Variants in HACE1 observed in about 807,000 individuals in gnomAD.
HACE1 encodes HECT domain and ankyrin repeat containing E3 ubiquitin protein ligase 1.
In HACE1, 73 loss-of-function variants were observed where a neutral mutation model predicts 118.4. That is an observed-to-expected ratio of 0.62 (90% confidence interval 0.51 to 0.75). The LOEUF (loss-of-function observed/expected upper bound fraction) is 0.75, where lower values mean the gene tolerates loss of function less well. HACE1 is among the 30% of genes least tolerant of loss of function. The pLI, the probability that HACE1 is intolerant of heterozygous loss-of-function variation, is 0.00. For synonymous variants in HACE1, 368 were observed against 374.8 expected, an observed-to-expected ratio of 0.98 and a Z score of 0.21; for missense variants, 749 against 1,102.2, an observed-to-expected ratio of 0.68 and a Z score of 4.54.
At chr6:104,801,898 A>T (rs930131143) in intron 7 of HACE1, among the ~76,000 whole-genome samples, 1 of 152,200 alleles carries the variant, frequency 6.6e-6, no homozygotes, top group Non-Finnish European at 1.5e-5. Flanking sequence ...CCCCAATTAA[A>T]AGACAGACTG....
intron 22 of HACE1, among the ~76,000 whole-genome samples, chr6:104,742,225 C>T (rs1223607143): frequency 7.4e-5 from 10 of 134,502 alleles, no homozygotes; most frequent in Non-Finnish European, 1.1e-4. Flanking sequence ...AAAACCTAGG[C>T]ATTACCATTC....
chr6:104,803,980 A>G (rs932825373), intron 7 of HACE1, among the ~76,000 whole-genome samples: 1 of 152,216 alleles, frequency 6.6e-6, no homozygotes, highest in Non-Finnish European at 1.5e-5. Context: ...GTCTCAGCCC[A>G]AAATCTCCTT....
At chr6:104,737,573 C>CA (rs1776039184) in intron 22 of HACE1, among the ~76,000 whole-genome samples, 2 of 152,154 alleles carry the variant, frequency 1.3e-5, no homozygotes, top group African/African-American at 4.8e-5. Context: ...TGACAGACGG[C>CA]ACCTAGAAAA....
At chr6:104,755,798 T>C (rs545805727) in intron 19 of HACE1, among the ~76,000 whole-genome samples, 1 of 152,308 alleles carries the variant, frequency 6.6e-6, no homozygotes. Context: ...GAGGGAAATT[T>C]ATAGCACTAA....
At chr6:104,807,982 T>C (rs1771200795) in intron 7 of HACE1, among the ~76,000 whole-genome samples, 2 of 151,810 alleles carry the variant, frequency 1.3e-5, no homozygotes, top group Non-Finnish European at 2.9e-5. Context: ...AGGTCGGGAG[T>C]TCGAGACCAG....
Position 104,744,235 on chromosome 6 carries a change from C to A in HACE1, c.2443-5G>T. On this transcript the variant is annotated splice_polypyrimidine_tract_variant and splice_region_variant and intron_variant, in intron 21 of 23. Coordinates refer to ENST00000262903, the MANE Select transcript of HACE1 (RefSeq NM_020771.4). ...TTCTACAACTTCCCAGAACCACTAA[C>A]AACAAGAACAAAAAACTTAGCTCAT... is the stretch of plus-strand genomic sequence containing the variant. 1 of 1,103,570 alleles carries A rather than the reference C, an allele frequency of 9.1e-7. No homozygotes were observed. Among genetic ancestry groups the A allele is most frequent in the Non-Finnish European group, 1.2e-6 (1 of 814,748 alleles). The allele number at this position is 1,103,570 out of a possible 1,614,324, so 68.4% of individuals were successfully genotyped here.
chr6:104,845,756 C>T (rs1184926994), intron 4 of HACE1: 1 of 152,164 alleles, frequency 6.6e-6, no homozygotes, highest in African/African-American at 2.4e-5. Flanking sequence ...GGATTACAGG[C>T]TTAAGCCACC....
intron 1 of HACE1, among the ~76,000 whole-genome samples, chr6:104,857,644 T>C (rs1291862413): frequency 6.7e-6 from 1 of 150,194 alleles, no homozygotes; most frequent in Non-Finnish European, 1.5e-5. Context: ...TTAAGCCTAT[T>C]GAAGAATACA....
intron 3 of HACE1, among the ~76,000 whole-genome samples, chr6:104,849,882 C>T (rs1776026284): frequency 6.6e-6 from 1 of 151,136 alleles, no homozygotes; most frequent in Non-Finnish European, 1.5e-5. Flanking sequence ...AATCTCCTGA[C>T]CTCAAGATCC....
At position 104,796,918 on chromosome 6, in the gene HACE1, G is replaced by A. The variant is rs369330231; in HGVS notation, c.714+11C>T. 1.2e-5 allele frequency: 17 copies of A among 1,458,176 alleles called. No homozygotes were observed. The African/African-American group carries it at 1.7e-4, about 14-fold the overall frequency. 90.3% of individuals were successfully genotyped at this position (1,458,176 alleles called of 1,614,324 possible). A position where few individuals can be genotyped will look rare whatever the true frequency, so the allele number is the denominator to read the frequency against. On this transcript the variant is annotated intron_variant, in intron 8 of 23. Transcript: ENST00000262903. ...AAGATAAGGGGCTCAGAATATAAAT[G>A]AAAAACACACCTGTACACATAAATC...
intron 23 of HACE1, 69 bp downstream of exon 23, chr6:104,730,234 T>C (rs1775056143): frequency 9.7e-6 from 8 of 827,880 alleles, no homozygotes; most frequent in Non-Finnish European, 1.5e-5. Flanking sequence ...CAGCAACAGT[T>C]AGATCTCTGA....
intron 19 of HACE1, among the ~76,000 whole-genome samples, chr6:104,759,113 C>A (rs1254068534): frequency 6.6e-6 from 1 of 152,154 alleles, no homozygotes; most frequent in East Asian, 1.9e-4. Context: ...GACTTTAACA[C>A]CTAACTGTCA....
intron 4 of HACE1, among the ~76,000 whole-genome samples, chr6:104,845,324 T>C (rs753022289): frequency 3.9e-5 from 6 of 152,066 alleles, no homozygotes; most frequent in Non-Finnish European, 8.8e-5. Flanking sequence ...TGTAAGTCAA[T>C]AGCTAAAATT....
chr6:104,853,774 G>A (rs1485979108), intron 1 of HACE1, among the ~76,000 whole-genome samples: 1 of 152,124 alleles, frequency 6.6e-6, no homozygotes, highest in Non-Finnish European at 1.5e-5. Context: ...ACTGAAAGGG[G>A]ACACATCACT....
intron 15 of HACE1, 26 bp downstream of exon 15, chr6:104,777,178 CAT>C (rs1301621844): frequency 6.5e-7 from 1 of 1,550,344 alleles, no homozygotes; most frequent in African/African-American, 1.4e-5. Context: ...GTGCTTCACA[CAT>C]ATATCAGTTT....
rs551208187 is a variant in HACE1, at chr6:104,750,909, T to C, written c.2212-437A>G. On this transcript the variant is annotated intron_variant, in intron 19 of 23. Transcript: ENST00000262903. ...ATGTGTATATACACATAGATATACA[T>C]GTGTGTGTATGTACATGTAAATAAC... Among the ~76,000 whole-genome samples the C allele has an allele frequency of 5.9e-5, 9 of 152,314 alleles. No homozygotes were observed. The East Asian group carries it at 1.7e-3, about 29-fold the overall frequency.
intron 14 of HACE1, among the ~76,000 whole-genome samples, chr6:104,779,711 T>G (rs984038715): frequency 3.3e-5 from 5 of 152,128 alleles, no homozygotes; most frequent in African/African-American, 9.6e-5. Context: ...TGGTTTGAAA[T>G]CCTCACTCTG....
At chr6:104,758,259 AG>A (rs1244307654) in intron 19 of HACE1, among the ~76,000 whole-genome samples, 1 of 151,846 alleles carries the variant, frequency 6.6e-6, no homozygotes, top group Non-Finnish European at 1.5e-5. Context: ...AGATTCACCA[AG>A]GTTGAAATGA....
chr6:104,794,601 C>T (rs557146137), intron 10 of HACE1, among the ~76,000 whole-genome samples: 8 of 152,282 alleles, frequency 5.3e-5, no homozygotes, highest in Middle Eastern at 6.8e-3. Flanking sequence ...ATGGATGGTA[C>T]GCCCTCAAAA....
Sources: allele counts gnomAD v4.1 joint callset (sites outside exome capture counted in the v4.1 genomes callset), GRCh38; gene constraint gnomAD v4.1.1; transcripts MANE v1.5; gene names NCBI Gene and HGNC (gene_info 2026-07-23, HGNC 2026-07-21).